The following STXBP6 variants were observed in gnomAD, a reference collection of about 807,000 sequenced individuals.
STXBP6 encodes the protein syntaxin binding protein 6.
A neutral mutation model predicts 26.9 loss-of-function variants in STXBP6; 21 were observed. The observed-to-expected ratio is 0.78, with a 90% confidence interval of 0.55 to 1.12. The LOEUF (loss-of-function observed/expected upper bound fraction) is 1.12. STXBP6 is among the 50% of genes most tolerant of loss of function. The pLI, the probability that STXBP6 is intolerant of heterozygous loss-of-function variation, is 0.00. For synonymous variants in STXBP6, 97 were observed against 92.6 expected (o/e 1.05, Z -0.27); for missense variants, 232 against 257.9 (o/e 0.90, Z 0.69).
rs142425743 is a variant in STXBP6 at position 24,910,918 on chromosome 14, C to T, written c.155-53761G>A. ...GAGAAAAGAAGGGAAAAGAATGGAACGGTGGTGGTATGGTTTTAGCTGTTA... is the reference window on the plus strand; with the variant it reads ...GAGAAAAGAAGGGAAAAGAATGGAATGGTGGTGGTATGGTTTTAGCTGTTA... On this transcript the variant is annotated intron_variant, in intron 2 of 5. Coordinates refer to ENST00000323944, the MANE Select transcript of STXBP6 (RefSeq NM_001394410.1). 1.8e-3 allele frequency among the ~76,000 whole-genome samples: 277 copies of T among 152,122 alleles called. 1 individual carries two copies. The highest frequency in any genetic ancestry group is 4.2e-3 in the Admixed American group (64 of 15,280).
At chr14:25,040,606 T>A (rs935488534) in intron 1 of STXBP6, among the ~76,000 whole-genome samples, 3 of 152,204 alleles carry the variant, frequency 2.0e-5, no homozygotes, top group African/African-American at 7.2e-5. Flanking sequence ...TTTATTATTT[T>A]TATGTCATGG....
chr14:25,009,340 T>A (rs1045283730), intron 1 of STXBP6, among the ~76,000 whole-genome samples: 1 of 152,234 alleles, frequency 6.6e-6, no homozygotes, highest in South Asian at 2.1e-4. Flanking sequence ...GACTCTTCTC[T>A]TAAGCTCATT....
chr14:25,039,835 T>C (rs888620973), intron 1 of STXBP6, among the ~76,000 whole-genome samples: 6 of 151,804 alleles, frequency 4.0e-5, no homozygotes, highest in Admixed American at 3.3e-4. Context: ...GCCTCCCGAG[T>C]AGCTGGGATT....
rs570888401 is a variant in STXBP6, at chr14:24,860,958, C to T, written c.155-3801G>A. ...TCTCATATTTGAGATAGCTGAATAA[C>T]ATCTTTTTACACATTTTTATACATT... is the stretch of plus-strand genomic sequence containing the variant. On this transcript the variant is annotated intron_variant, in intron 2 of 5. Coordinates refer to ENST00000323944, the MANE Select transcript of STXBP6 (RefSeq NM_001394410.1). 3.3e-5 allele frequency among the ~76,000 whole-genome samples: 5 copies of T among 150,374 alleles called. No homozygotes were observed. The South Asian group carries it at 8.4e-4, about 25-fold the overall frequency.
intron 2 of STXBP6, among the ~76,000 whole-genome samples, chr14:24,888,161 A>G (rs991176208): frequency 2.0e-5 from 3 of 152,250 alleles, no homozygotes; most frequent in African/African-American, 4.8e-5. Context: ...AAACCTCACT[A>G]AAGTGACTAA....
chr14:24,887,380 T>A (rs1292892854), intron 2 of STXBP6, among the ~76,000 whole-genome samples: 1 of 152,200 alleles, frequency 6.6e-6, no homozygotes. Flanking sequence ...ACTTTCATGA[T>A]TCAATTTTAA....
rs1311279765 is a variant in STXBP6, at chr14:24,931,128, A to AC, written c.154+43536_154+43537insG. ...GCGAGACTCCGTCTCAAAAAAAAAA[A>AC]AAAAAAAAAAAAAACCCAAACACCA... On this transcript the variant is annotated intron_variant, in intron 2 of 5. Coordinates refer to ENST00000323944, the MANE Select transcript of STXBP6 (RefSeq NM_001394410.1). 9.2e-3 allele frequency among the ~76,000 whole-genome samples: 803 copies of AC among 87,578 alleles called. 31 individuals are homozygous for AC. The highest frequency in any genetic ancestry group is 0.037 in the African/African-American group (728 of 19,830). 57.5% of individuals were successfully genotyped at this position (87,578 alleles called of 152,430 possible).
intron 2 of STXBP6, among the ~76,000 whole-genome samples, chr14:24,858,545 A>T (rs980102435): frequency 4.6e-5 from 7 of 152,152 alleles, no homozygotes; most frequent in Admixed American, 6.6e-5. Context: ...TACTTTTATG[A>T]TTAAGAAGTC....
chr14:24,996,297 A>G (rs1266610562), intron 1 of STXBP6, among the ~76,000 whole-genome samples: 2 of 152,166 alleles, frequency 1.3e-5, no homozygotes, highest in Non-Finnish European at 2.9e-5. Context: ...TGAGTAGATC[A>G]TAACGTTTTG....
chr14:25,040,460 A>G (rs1236807912), intron 1 of STXBP6, among the ~76,000 whole-genome samples: 1 of 152,224 alleles, frequency 6.6e-6, no homozygotes, highest in Admixed American at 6.5e-5. Context: ...AGTCTTTTCA[A>G]GTGTAAAATA....
rs564462010 is a variant in STXBP6, at chr14:24,918,058, T to C, written c.154+56607A>G. Among the ~76,000 whole-genome samples the C allele has an allele frequency of 1.1e-4, 17 of 152,102 alleles. No individual in the cohort carries two copies. In the South Asian group the frequency reaches 3.1e-3, roughly 28 times the overall value. ...TTCCAGTGATGTAAGATGTCCAGGA[T>C]AGGTAAATCCATAGAGATAGAAAGT... is the stretch of plus-strand genomic sequence containing the variant. On this transcript the variant is annotated intron_variant, in intron 2 of 5. Transcript: ENST00000323944.
At chr14:24,952,188 T>G (rs959114706) in intron 2 of STXBP6, among the ~76,000 whole-genome samples, 4 of 151,468 alleles carry the variant, frequency 2.6e-5, no homozygotes, top group African/African-American at 9.7e-5. Context: ...CTGTTACATA[T>G]TTGTAATTTT....
intron 2 of STXBP6, among the ~76,000 whole-genome samples, chr14:24,861,584 T>G (rs2069539014): frequency 1.3e-5 from 2 of 152,228 alleles, no homozygotes; most frequent in Non-Finnish European, 1.5e-5. Context: ...ATATCAGGTC[T>G]GAGGCTGCTG....
rs1555333638 is a variant in STXBP6 at position 24,961,454 on chromosome 14, A to AC, written c.154+13210_154+13211insG. 3.5e-3 allele frequency among the ~76,000 whole-genome samples: 322 copies of AC among 92,562 alleles called. 4 individuals carry two copies. The highest frequency in any genetic ancestry group is 0.031 in the East Asian group (134 of 4,392). The allele number at this position is 92,562 out of a possible 152,430, so 60.7% of individuals were successfully genotyped here. ...GAACAGATTTCAGAACTAAAAACAAAAAAAAAAAAACATAAAAAGAATATT... is the reference window on the plus strand; with the variant it reads ...GAACAGATTTCAGAACTAAAAACAAACAAAAAAAAAACATAAAAAGAATATT... On this transcript the variant is annotated intron_variant, in intron 2 of 5. Coordinates refer to ENST00000323944, the MANE Select transcript of STXBP6 (RefSeq NM_001394410.1).
chr14:24,819,334 C>T (rs766552571), intron 4 of STXBP6, 140 bp from the exon 5 acceptor site: 31 of 963,944 alleles, frequency 3.2e-5, no homozygotes, highest in Non-Finnish European at 4.5e-5. Context: ...GGAAACAAGC[C>T]GACATTTCTT....
intron 2 of STXBP6, among the ~76,000 whole-genome samples, chr14:24,934,581 T>A (rs1595141635): frequency 6.6e-6 from 1 of 152,108 alleles, no homozygotes; most frequent in African/African-American, 2.4e-5. Flanking sequence ...AAATAAAGGC[T>A]AAACATGGAG....
chr14:24,846,369 T>G (rs2068961250), intron 4 of STXBP6, among the ~76,000 whole-genome samples: 1 of 152,228 alleles, frequency 6.6e-6, no homozygotes, highest in Non-Finnish European at 1.5e-5. Context: ...TCTCATATTT[T>G]TCTTTCTGTT....
chr14:24,910,662 T>C (rs1566468233), intron 2 of STXBP6, among the ~76,000 whole-genome samples: 2 of 152,174 alleles, frequency 1.3e-5, no homozygotes, highest in African/African-American at 4.8e-5. Context: ...AACACATGTA[T>C]GTATATGATA....
At chr14:24,860,923 T>G (rs1215352373) in intron 2 of STXBP6, among the ~76,000 whole-genome samples, 1 of 146,804 alleles carries the variant, frequency 6.8e-6, no homozygotes, top group Non-Finnish European at 1.5e-5. Flanking sequence ...CACCTCTACA[T>G]CCTCAACTAT....
Sources: allele counts gnomAD v4.1 joint callset (sites outside exome capture counted in the v4.1 genomes callset), GRCh38; gene constraint gnomAD v4.1.1; transcripts MANE v1.5; gene names NCBI Gene and HGNC (gene_info 2026-07-23, HGNC 2026-07-21).